The following CHCHD6 variants were observed in gnomAD, a reference collection of about 807,000 sequenced individuals.
The protein encoded by CHCHD6 is MICOS complex subunit MIC25.
In CHCHD6, 28 loss-of-function variants were observed where a neutral mutation model predicts 32.3. The observed-to-expected ratio is 0.87, with a 90% CI of 0.64 to 1.19. The LOEUF (loss-of-function observed/expected upper bound fraction) is 1.19, where lower values mean the gene tolerates loss of function less well. Among genes scored for constraint, CHCHD6 ranks in the 50% most tolerant of loss-of-function variants. The pLI is 0.00. For missense variants in CHCHD6, 333 were observed against 307.0 expected (o/e 1.08, Z -0.63); for synonymous variants, 122 against 117.5 (o/e 1.04, Z -0.25).
At chr3:126,909,335 C>T (rs952416043) in intron 5 of CHCHD6, among the ~76,000 whole-genome samples, 4 of 152,244 alleles carry the variant, frequency 2.6e-5, no homozygotes, top group African/African-American at 7.2e-5. Context: ...CCTCCCACCC[C>T]GCACCTGTAT....
chr3:126,862,445 TCAC>T (rs1941955893), intron 5 of CHCHD6, among the ~76,000 whole-genome samples: 2 of 34,048 alleles, frequency 5.9e-5, no homozygotes, highest in Non-Finnish European at 1.2e-4. Flanking sequence ...TCCTCCACCA[TCAC>T]CACCTCCTCC....
chr3:126,711,091 T>C (rs1244518592), intron 1 of CHCHD6, among the ~76,000 whole-genome samples: 2 of 152,228 alleles, frequency 1.3e-5, no homozygotes, highest in Non-Finnish European at 2.9e-5. Flanking sequence ...TAACTTTATC[T>C]TTTAATAGTT....
chr3:126,937,680 C>T (rs928059330), intron 6 of CHCHD6, among the ~76,000 whole-genome samples: 1 of 152,240 alleles, frequency 6.6e-6, no homozygotes, highest in Non-Finnish European at 1.5e-5. Flanking sequence ...TGGGTTTGCT[C>T]TGTGAGTCAG....
chr3:126,755,110 A>G (rs1451999268), intron 4 of CHCHD6, among the ~76,000 whole-genome samples: 3 of 152,182 alleles, frequency 2.0e-5, no homozygotes, highest in Non-Finnish European at 4.4e-5. Flanking sequence ...AGGAAAGTGG[A>G]TTGGGCATAA....
At chr3:126,944,396 A>G (rs995062879) in intron 6 of CHCHD6, among the ~76,000 whole-genome samples, 1 of 152,254 alleles carries the variant, frequency 6.6e-6, no homozygotes. Context: ...GCCTACCTCA[A>G]TTTATTTATA....
chr3:126,910,515 T>C (rs909329883), intron 5 of CHCHD6, among the ~76,000 whole-genome samples: 3 of 152,156 alleles, frequency 2.0e-5, no homozygotes, highest in Non-Finnish European at 4.4e-5. Flanking sequence ...TCAGGAGACC[T>C]CCCTCTCATT....
At chr3:126,906,123 T>C (rs555669414) in intron 5 of CHCHD6, among the ~76,000 whole-genome samples, 1 of 152,296 alleles carries the variant, frequency 6.6e-6, no homozygotes, top group South Asian at 2.1e-4. Flanking sequence ...CTCCAGCTGC[T>C]GTCTTGACTT....
rs1177938260 is a variant in CHCHD6, at chr3:126,941,831, A to T, written c.567-15585A>T. 2.0e-5 allele frequency among the ~76,000 whole-genome samples: 3 copies of T among 152,294 alleles called. No individual in the cohort carries two copies. The East Asian group carries it at 5.8e-4, about 29-fold the overall frequency. On this transcript the variant is annotated intron_variant, in intron 6 of 7. Transcript: ENST00000290913. ...TTCCATGCACCATGGGCCTCCCAAG[A>T]ATACCTCCTCCTTGGTCACCTCACA...
At chr3:126,782,287 A>G (rs1047557994) in intron 4 of CHCHD6, among the ~76,000 whole-genome samples, 6 of 152,180 alleles carry the variant, frequency 3.9e-5, no homozygotes, top group African/African-American at 9.7e-5. Context: ...TTGCATTTCT[A>G]CAGTGCCAGG....
At position 126,888,632 on chromosome 3, in the gene CHCHD6, T is replaced by C. The variant is rs372216102; in HGVS notation, c.496-26048T>C. Among the ~76,000 whole-genome samples, 12 of 152,288 alleles carry C rather than the reference T, an allele frequency of 7.9e-5. No individual in the cohort carries two copies. The East Asian group carries it at 1.5e-3, about 20-fold the overall frequency. ...TCTGAAAATGATCAGAAGAGCCATC[T>C]GGGGCCCCCAGGTTTTCACCAGGGA... On this transcript the variant is annotated intron_variant, in intron 5 of 7. Transcript: ENST00000290913.
intron 5 of CHCHD6, among the ~76,000 whole-genome samples, chr3:126,885,515 A>C (rs2077667287): frequency 6.6e-6 from 1 of 152,230 alleles, no homozygotes; most frequent in Non-Finnish European, 1.5e-5. Flanking sequence ...TTTCAAAATC[A>C]GTTGAATCAC....
chr3:126,936,510 A>G (rs965819766), intron 6 of CHCHD6, among the ~76,000 whole-genome samples: 42 of 152,200 alleles, frequency 2.8e-4, no homozygotes, highest in African/African-American at 9.9e-4. Flanking sequence ...TTGAAAGACT[A>G]TTTCTCTATA....
intron 6 of CHCHD6, among the ~76,000 whole-genome samples, chr3:126,934,210 G>T (rs6439029): frequency 0.61 from 92,565 of 152,130 alleles, 29,326 homozygotes; most frequent in East Asian, 0.82. Context: ...TCCTAAAGGA[G>T]GTTTGTGCTG....
intron 1 of CHCHD6, among the ~76,000 whole-genome samples, chr3:126,719,819 CTGTT>C (rs201490527): frequency 0.012 from 1,801 of 152,244 alleles, 18 homozygotes; most frequent in Middle Eastern, 0.048. Context: ...GCTCCCTTGT[CTGTT>C]TGCCTCTGGA....
chr3:126,911,723 C>CCA (rs1242532056), intron 5 of CHCHD6, among the ~76,000 whole-genome samples: 3 of 152,232 alleles, frequency 2.0e-5, no homozygotes, highest in African/African-American at 7.2e-5. Flanking sequence ...CAAGCACTAT[C>CCA]CAAATTCACC....
At chr3:126,925,477 T>C (rs1019029914) in intron 6 of CHCHD6, among the ~76,000 whole-genome samples, 2 of 152,246 alleles carry the variant, frequency 1.3e-5, no homozygotes, top group South Asian at 4.1e-4. Flanking sequence ...AGGGAAGTTG[T>C]ACAGCGCTCA....
At chr3:126,868,743 G>A (rs1267346821) in intron 5 of CHCHD6, among the ~76,000 whole-genome samples, 3 of 152,188 alleles carry the variant, frequency 2.0e-5, no homozygotes, top group African/African-American at 2.4e-5. Flanking sequence ...ATGTGCATGT[G>A]CCATAATTTG....
At chr3:126,913,244 T>TTTTGG (rs2078121380) in intron 5 of CHCHD6, among the ~76,000 whole-genome samples, 2 of 93,574 alleles carry the variant, frequency 2.1e-5, no homozygotes, top group African/African-American at 8.0e-5. Context: ...TTTTTTTTTT[T>TTTTGG]GGGAGACGGA....
At chr3:126,781,527 G>T (rs181299112) in intron 4 of CHCHD6, among the ~76,000 whole-genome samples, 1 of 152,358 alleles carries the variant, frequency 6.6e-6, no homozygotes, top group Admixed American at 6.5e-5. Flanking sequence ...AGATGCATCT[G>T]CTGGCCTCCT....
Sources: allele counts gnomAD v4.1 joint callset (sites outside exome capture counted in the v4.1 genomes callset), GRCh38; gene constraint gnomAD v4.1.1; transcripts MANE v1.5; gene names NCBI Gene and HGNC (gene_info 2026-07-23, HGNC 2026-07-21).